The following VWF variants were observed in gnomAD, a reference collection of about 807,000 sequenced individuals.
The protein encoded by VWF is Factor VIII related antigen.
Under a neutral mutation model 308.6 loss-of-function variants are expected in VWF, and 176 were observed. That is an observed-to-expected ratio of 0.57 (90% CI 0.50 to 0.65). The LOEUF (loss-of-function observed/expected upper bound fraction) is 0.65, where lower values mean the gene tolerates loss of function less well. VWF is among the 30% of genes least tolerant of loss of function. The pLI is 0.00. For synonymous variants in VWF, 1,385 were observed against 1,443.4 expected, an observed-to-expected ratio of 0.96 and a Z score of 0.92; for missense variants, 3,146 against 3,648.2, an observed-to-expected ratio of 0.86 and a Z score of 3.55.
At chr12:6,103,462 ATACACATATG>A (rs1216898036) in intron 5 of VWF, among the ~76,000 whole-genome samples, 2,964 of 63,324 alleles carry the variant, frequency 0.047, 323 homozygotes, top group African/African-American at 0.19. Context: ...ATATGTGTAT[ATACACATATG>A]TGTGTATATA....
intron 45 of VWF, among the ~76,000 whole-genome samples, chr12:5,968,990 G>A (rs74056750): frequency 0.023 from 3,563 of 152,280 alleles, 136 homozygotes; most frequent in African/African-American, 0.08. Context: ...GAGAAGCCTA[G>A]GGCCGAATCC....
chr12:6,071,481 T>A, intron 9 of VWF, 138 bp from the exon 10 acceptor site: 2 of 947,816 alleles, frequency 2.1e-6, no homozygotes, highest in Non-Finnish European at 3.3e-6. Context: ...GCTAGCAGAA[T>A]CTTCATAGGG....
Position 5,964,266 on chromosome 12 carries a change from ACATACATG to A in VWF, c.7887+3212_7887+3219del, listed in dbSNP as rs1267468480. ...TACATACATGCATACATACATACAT[ACATACATG>A]CATACATACATGCATACATACATAC... On this transcript the variant is annotated intron_variant, in intron 47 of 51. Coordinates refer to ENST00000261405, the MANE Select transcript of VWF (RefSeq NM_000552.5). Among the ~76,000 whole-genome samples, 589 of 142,782 alleles carry A rather than the reference ACATACATG, an allele frequency of 4.1e-3. 5 individuals are homozygous for A. The highest frequency in any genetic ancestry group is 0.016 in the African/African-American group (530 of 32,938). 93.7% of individuals were successfully genotyped at this position (142,782 alleles called of 152,430 possible). A position where few individuals can be genotyped will look rare whatever the true frequency, so the allele number is the denominator to read the frequency against.
intron 12 of VWF, 107 bp downstream of exon 12, chr12:6,064,139 T>A: frequency 6.4e-7 from 1 of 1,564,976 alleles, no homozygotes; most frequent in South Asian, 1.1e-5. Context: ...CACATTCCCA[T>A]GGAAGAGGCA....
intron 38 of VWF, among the ~76,000 whole-genome samples, chr12:5,986,240 G>C (rs1415138287): frequency 6.6e-6 from 1 of 152,144 alleles, no homozygotes; most frequent in African/African-American, 2.4e-5. Flanking sequence ...AGGAACTCCT[G>C]AACTCTAACA....
rs536640299 is a variant in VWF, at chr12:6,016,900, C to T, written c.5054-30G>A. 1.9e-6 allele frequency: 3 copies of T among 1,607,008 alleles called. No homozygotes were observed. In the East Asian group the frequency reaches 6.7e-5, roughly 36 times the overall value. ...AAAGACAACCAGGAAGGTGAGCACA[C>T]AGGTGCCAGCAGGGACAATGGCCAC... On this transcript the variant is annotated intron_variant, in intron 28 of 51. Coordinates refer to ENST00000261405, the MANE Select transcript of VWF (RefSeq NM_000552.5).
chr12:5,966,477 A>C (rs1393938363), intron 47 of VWF, among the ~76,000 whole-genome samples: 1 of 152,198 alleles, frequency 6.6e-6, no homozygotes, highest in African/African-American at 2.4e-5. Context: ...TTCTTTTATT[A>C]AGCCCATACT....
intron 3 of VWF, among the ~76,000 whole-genome samples, chr12:6,119,649 C>T (rs1432341359): frequency 6.6e-6 from 1 of 152,112 alleles, no homozygotes; most frequent in Non-Finnish European, 1.5e-5. Flanking sequence ...AGTTCGAGAC[C>T]AGCCTGGCCA....
intron 6 of VWF, among the ~76,000 whole-genome samples, chr12:6,080,009 C>T (rs1360414981): frequency 1.3e-5 from 2 of 152,286 alleles, no homozygotes; most frequent in East Asian, 3.9e-4. Flanking sequence ...CCCATCTGCC[C>T]TCCTGCATTT....
intron 6 of VWF, among the ~76,000 whole-genome samples, chr12:6,085,541 G>A (rs895810354): frequency 2.0e-5 from 3 of 152,246 alleles, no homozygotes; most frequent in East Asian, 1.9e-4. Flanking sequence ...GAAATAGTTC[G>A]TTAAAGGATT....
chr12:6,054,843 A>G (rs1371647642), intron 15 of VWF, among the ~76,000 whole-genome samples: 1 of 152,196 alleles, frequency 6.6e-6, no homozygotes, highest in East Asian at 1.9e-4. Context: ...TCTCTGGAAG[A>G]GAAAGTGGAA....
In VWF at chr12:6,101,546, G is replaced by A. The variant is rs1945161414; in HGVS notation, c.533-5962C>T. ...AATCTCAGCATTTTGGGAGGCCGAG[G>A]AGGGCAGATCACGACGTCAGGAGAT... is the stretch of plus-strand genomic sequence containing the variant. On this transcript the variant is annotated intron_variant, in intron 5 of 51. Transcript: ENST00000261405. Among the ~76,000 whole-genome samples, 4 of 151,000 alleles carry A rather than the reference G, an allele frequency of 2.6e-5. No individual in the cohort carries two copies. In the South Asian group the frequency reaches 8.4e-4, roughly 32 times the overall value.
chr12:6,105,197 A>G (rs1246883953), intron 5 of VWF, among the ~76,000 whole-genome samples: 2 of 152,146 alleles, frequency 1.3e-5, no homozygotes, highest in East Asian at 1.9e-4. Flanking sequence ...CAATCTGTGC[A>G]TGTAACAAAA....
intron 6 of VWF, among the ~76,000 whole-genome samples, chr12:6,082,080 C>T (rs1457282050): frequency 6.6e-6 from 1 of 152,000 alleles, no homozygotes; most frequent in African/African-American, 2.4e-5. Context: ...AATTCTCTTG[C>T]CTCAGCCTCC....
rs903264711 is a variant in VWF at position 6,020,892 on chromosome 12, G to A, written c.3674+1008C>T. Reference sequence around the variant, plus strand: ...TGTGCCAGCAAAGGAGGTGGGGAGAGGGCTCGAAGCTCTCATGCCCTTTTG... The same window carrying A: ...TGTGCCAGCAAAGGAGGTGGGGAGAAGGCTCGAAGCTCTCATGCCCTTTTG... On this transcript the variant is annotated intron_variant, in intron 27 of 51. Coordinates refer to ENST00000261405, the MANE Select transcript of VWF (RefSeq NM_000552.5). The surrounding 1 kb of genome is among the most constrained non-coding windows in gnomAD (Gnocchi z 4.3). Among the ~76,000 whole-genome samples the A allele has an allele frequency of 2.0e-5, 3 of 152,144 alleles. No individual in the cohort carries two copies. The highest frequency in any genetic ancestry group is 7.2e-5 in the African/African-American group (3 of 41,380).
chr12:5,955,291 T>C (rs1943234799), intron 47 of VWF, among the ~76,000 whole-genome samples: 1 of 151,930 alleles, frequency 6.6e-6, no homozygotes, highest in Non-Finnish European at 1.5e-5. Context: ...TATGTATACA[T>C]GTGCCATGCT....
chr12:6,003,429 A>G (rs1279758593), intron 34 of VWF, among the ~76,000 whole-genome samples: 1 of 152,160 alleles, frequency 6.6e-6, no homozygotes, highest in African/African-American at 2.4e-5. Flanking sequence ...AGGATGTTAA[A>G]TGTAATCCCC....
chr12:5,986,747 T>A (rs1414314342), intron 38 of VWF, among the ~76,000 whole-genome samples: 1 of 152,228 alleles, frequency 6.6e-6, no homozygotes, highest in Admixed American at 6.5e-5. Context: ...TTTATTTAAA[T>A]CACTCATGTA....
chr12:6,040,136 C>CA (rs2136435888), intron 18 of VWF, among the ~76,000 whole-genome samples: 1 of 152,260 alleles, frequency 6.6e-6, no homozygotes, highest in East Asian at 1.9e-4. Flanking sequence ...ACGATGCTCC[C>CA]AGAGTTACCC....
Sources: allele counts gnomAD v4.1 joint callset (sites outside exome capture counted in the v4.1 genomes callset), GRCh38; gene constraint gnomAD v4.1.1; non-coding constraint Gnocchi (gnomAD v3.1); transcripts MANE v1.5; gene names NCBI Gene and HGNC (gene_info 2026-07-23, HGNC 2026-07-21).